Variants in PRKG1 observed in about 807,000 individuals in gnomAD.
PRKG1 encodes cGMP-dependent protein kinase 1.
Under a neutral mutation model 88.1 loss-of-function variants are expected in PRKG1, and 35 were observed. The ratio of observed to expected loss-of-function variants is 0.40; its 90% CI spans 0.30 to 0.53. The LOEUF (loss-of-function observed/expected upper bound fraction) is 0.53, where lower values mean the gene tolerates loss of function less well. Ranked by LOEUF, PRKG1 falls within the 20% of genes least tolerant of loss-of-function variation. The pLI is 0.59. For missense variants in PRKG1, 540 were observed against 839.8 expected (o/e 0.64, Z 4.41); for synonymous variants, 303 against 292.5 (o/e 1.04, Z -0.37).
chr10:51,776,320 A>G (rs914080699), intron 3 of PRKG1, among the ~76,000 whole-genome samples: 7 of 152,216 alleles, frequency 4.6e-5, no homozygotes, highest in African/African-American at 1.7e-4. Flanking sequence ...AGTAAATGCA[A>G]AATGCACACC....
chr10:51,604,727 G>T (rs1197243098), intron 3 of PRKG1, among the ~76,000 whole-genome samples: 1 of 152,204 alleles, frequency 6.6e-6, no homozygotes, highest in Non-Finnish European at 1.5e-5. Context: ...AAACCCTAGG[G>T]GGAGCATGCA....
At chr10:51,543,973 T>A (rs1378433182) in intron 3 of PRKG1, among the ~76,000 whole-genome samples, 2 of 152,158 alleles carry the variant, frequency 1.3e-5, no homozygotes, top group African/African-American at 4.8e-5. Flanking sequence ...TTCTGGGTTA[T>A]GAATGGTGAC....
chr10:52,249,125 C>T lies in PRKG1; in HGVS notation c.1077-2445C>T, dbSNP rs1017124798. Among the ~76,000 whole-genome samples, 211 of 142,674 alleles carry T rather than the reference C, an allele frequency of 1.5e-3. 2 individuals are homozygous for T. The highest frequency in any genetic ancestry group is 5.2e-3 in the African/African-American group (195 of 37,506). The allele number at this position is 142,674 out of a possible 152,430, so 93.6% of individuals were successfully genotyped here. On this transcript the variant is annotated intron_variant, in intron 9 of 17. Coordinates refer to ENST00000373980, the MANE Select transcript of PRKG1 (RefSeq NM_006258.4). ...CCTCTCTTTCTTTCTCTTTCTCTGTCTTTTCTAAGCTGTGTTGGCTATTTC... is the reference window on the plus strand; with the variant it reads ...CCTCTCTTTCTTTCTCTTTCTCTGTTTTTTCTAAGCTGTGTTGGCTATTTC...
At chr10:51,928,130 A>G (rs1842617147) in intron 5 of PRKG1, among the ~76,000 whole-genome samples, 1 of 152,184 alleles carries the variant, frequency 6.6e-6, no homozygotes, top group African/African-American at 2.4e-5. Context: ...CATTACTTTC[A>G]GTGTCAGCTT....
intron 4 of PRKG1, among the ~76,000 whole-genome samples, chr10:51,905,172 T>C (rs749624022): frequency 7.9e-5 from 12 of 152,198 alleles, no homozygotes; most frequent in Non-Finnish European, 1.3e-4. Context: ...TATCTCCTTC[T>C]GTCTTTATGT....
intron 10 of PRKG1, among the ~76,000 whole-genome samples, chr10:52,256,791 A>G (rs1358655361): frequency 7.2e-6 from 1 of 139,518 alleles, no homozygotes; most frequent in East Asian, 2.1e-4. Flanking sequence ...AGGTCTTCAA[A>G]TGACCTTCAG....
At chr10:51,683,869 T>A (rs1840913813) in intron 3 of PRKG1, among the ~76,000 whole-genome samples, 1 of 152,150 alleles carries the variant, frequency 6.6e-6, no homozygotes, top group South Asian at 2.1e-4. Flanking sequence ...AAAAACAGAA[T>A]CAGATTGGTC....
At chr10:51,502,798 A>G (rs1841068568) in intron 3 of PRKG1, among the ~76,000 whole-genome samples, 1 of 152,188 alleles carries the variant, frequency 6.6e-6, no homozygotes, top group African/African-American at 2.4e-5. Context: ...TCAGCGTTGA[A>G]TTATGAATCT....
chr10:52,239,616 A>T (rs1840803801), intron 9 of PRKG1, among the ~76,000 whole-genome samples: 1 of 151,136 alleles, frequency 6.6e-6, no homozygotes, highest in South Asian at 2.1e-4. Flanking sequence ...ACCAACAATT[A>T]AAAAATGGGG....
At chr10:51,737,004 C>T (rs1837297548) in intron 3 of PRKG1, among the ~76,000 whole-genome samples, 1 of 152,102 alleles carries the variant, frequency 6.6e-6, no homozygotes, top group African/African-American at 2.4e-5. Context: ...TCCTTCAATA[C>T]TTCAGCTTAC....
chr10:52,009,271 C>G (rs1397909043), intron 5 of PRKG1, among the ~76,000 whole-genome samples: 2 of 152,094 alleles, frequency 1.3e-5, no homozygotes, highest in African/African-American at 4.8e-5. Context: ...ATCTAGAAAA[C>G]CCCATTGTTT....
intron 5 of PRKG1, among the ~76,000 whole-genome samples, chr10:52,042,886 A>C (rs1424101011): frequency 6.6e-6 from 1 of 152,128 alleles, no homozygotes; most frequent in Non-Finnish European, 1.5e-5. Flanking sequence ...CAATAAAAAA[A>C]CAAATAACTT....
Position 50,991,842 on chromosome 10 carries a change from C to G in PRKG1, c.266+198C>G, listed in dbSNP as rs886834561. Among the ~76,000 whole-genome samples the G allele has an allele frequency of 7.2e-5, 11 of 152,152 alleles. No homozygotes were observed. Among genetic ancestry groups the G allele is most frequent in the Admixed American group, 1.3e-4 (2 of 15,284 alleles). On this transcript the variant is annotated intron_variant, in intron 1 of 17. Coordinates refer to the PRKG1 transcript ENST00000401604. The surrounding 1 kb of genome is among the most constrained non-coding windows in gnomAD (Gnocchi z 4.5). ...TGCCCATCACGTGCTGTGCTTGTCT[C>G]CGCCGGGCTGGGAAAGGCGAGCTGC...
chr10:51,945,480 G>A (rs952282205), intron 5 of PRKG1, among the ~76,000 whole-genome samples: 5 of 151,464 alleles, frequency 3.3e-5, no homozygotes, highest in African/African-American at 1.2e-4. Context: ...TGTTATGTGT[G>A]AATCTGATCC....
chr10:51,792,111 A>C (rs927974975), intron 3 of PRKG1, among the ~76,000 whole-genome samples: 3 of 152,078 alleles, frequency 2.0e-5, no homozygotes, highest in South Asian at 2.1e-4. Context: ...GACTGCTTGG[A>C]ATAGCTTATC....
At chr10:52,282,351 A>T (rs867309321) in intron 14 of PRKG1, 35 bp downstream of exon 14, 3 of 1,549,232 alleles carry the variant, frequency 1.9e-6, no homozygotes, top group Middle Eastern at 3.5e-4. Context: ...TGATAAAAAT[A>T]GACCAGCATG....
chr10:52,082,342 G>T (rs1262056448), intron 7 of PRKG1, among the ~76,000 whole-genome samples: 1 of 152,054 alleles, frequency 6.6e-6, no homozygotes, highest in African/African-American at 2.4e-5. Flanking sequence ...CTGAGCCTTG[G>T]CATAAGTTGC....
At chr10:51,197,184 A>G (rs1837790389) in intron 2 of PRKG1, among the ~76,000 whole-genome samples, 1 of 152,206 alleles carries the variant, frequency 6.6e-6, no homozygotes, top group African/African-American at 2.4e-5. Flanking sequence ...AGATGGACAG[A>G]TTTCAAAAAA....
intron 12 of PRKG1, among the ~76,000 whole-genome samples, chr10:52,274,380 T>C (rs1315239931): frequency 6.6e-6 from 1 of 151,624 alleles, no homozygotes; most frequent in Non-Finnish European, 1.5e-5. Flanking sequence ...TGATGTTTGG[T>C]TTTCCATTCT....
Sources: allele counts gnomAD v4.1 joint callset (sites outside exome capture counted in the v4.1 genomes callset), GRCh38; gene constraint gnomAD v4.1.1; non-coding constraint Gnocchi (gnomAD v3.1); transcripts MANE v1.5; gene names NCBI Gene and HGNC (gene_info 2026-07-23, HGNC 2026-07-21).